TNIP3: variants seen among roughly 807,000 people sequenced by gnomAD.
TNIP3 encodes TNFAIP3-interacting protein 3.
A neutral mutation model predicts 54.1 loss-of-function variants in TNIP3; 34 were observed. That is an observed-to-expected ratio of 0.63 (90% CI 0.48 to 0.84). TNIP3 has a LOEUF of 0.84. Ranked by LOEUF, TNIP3 falls within the 40% of genes least tolerant of loss-of-function variation. The pLI is 0.00. For synonymous variants in TNIP3, 134 were observed against 136.8 expected (o/e 0.98, Z 0.14); for missense variants, 366 against 387.6 (o/e 0.94, Z 0.47).
At chr4:121,183,534 G>T (rs1423787527) in intron 2 of TNIP3, among the ~76,000 whole-genome samples, 1 of 152,150 alleles carries the variant, frequency 6.6e-6, no homozygotes, top group Non-Finnish European at 1.5e-5. Context: ...CTGCCAGTCT[G>T]GCCTGTTAGG....
At chr4:121,150,262 C>A in intron 5 of TNIP3, 43 bp from the exon 6 acceptor site, 1 of 1,220,778 alleles carries the variant, frequency 8.2e-7, no homozygotes, top group South Asian at 1.3e-5. Context: ...AGATTTACCA[C>A]ATGGAATGAA....
At chr4:121,222,075 T>C (rs1300188529) in intron 1 of TNIP3, among the ~76,000 whole-genome samples, 2 of 152,226 alleles carry the variant, frequency 1.3e-5, no homozygotes, top group Non-Finnish European at 2.9e-5. Flanking sequence ...TACATTATAG[T>C]AGCTAAGAGT....
chr4:121,139,725 G>A (rs1454666147), intron 9 of TNIP3, among the ~76,000 whole-genome samples: 1 of 152,052 alleles, frequency 6.6e-6, no homozygotes, highest in Non-Finnish European at 1.5e-5. Context: ...TAGACACCTA[G>A]GCCCTTGGCT....
intron 1 of TNIP3, among the ~76,000 whole-genome samples, chr4:121,224,314 G>T (rs1055978987): frequency 2.0e-5 from 3 of 151,644 alleles, no homozygotes; most frequent in African/African-American, 7.3e-5. Flanking sequence ...AGTGAGCAGA[G>T]ATTGTGCTAC....
At chr4:121,158,787 A>G (rs761300566) in intron 2 of TNIP3, 35 bp from the exon 3 acceptor site, 1 of 1,541,180 alleles carries the variant, frequency 6.5e-7, no homozygotes, top group Non-Finnish European at 8.9e-7. Flanking sequence ...TCAACAAAGA[A>G]TTTCTGCCCA....
chr4:121,218,842 G>A (rs1349643938), upstream of TNIP3, among the ~76,000 whole-genome samples: 1 of 152,014 alleles, frequency 6.6e-6, no homozygotes, highest in African/African-American at 2.4e-5. Context: ...GACTACAGGT[G>A]TGCACTACTT....
chr4:121,185,092 G>A (rs1292872069), intron 2 of TNIP3, among the ~76,000 whole-genome samples: 2 of 152,186 alleles, frequency 1.3e-5, no homozygotes, highest in Non-Finnish European at 2.9e-5. Flanking sequence ...AAGTTACTGA[G>A]CCACTTCAAT....
At chr4:121,184,465 A>G (rs765025494) in intron 2 of TNIP3, among the ~76,000 whole-genome samples, 8 of 152,162 alleles carry the variant, frequency 5.3e-5, no homozygotes, top group African/African-American at 1.2e-4. Context: ...GGCCAGTGGG[A>G]TTCTCCTCTG....
In TNIP3 at chr4:121,142,650, A is replaced by C; in HGVS notation, c.786+76T>G. 5 of 1,348,750 alleles carry C rather than the reference A, an allele frequency of 3.7e-6. No individual in the cohort carries two copies. In the South Asian group the frequency reaches 6.2e-5, roughly 17 times the overall value. The allele number at this position is 1,348,750 out of a possible 1,614,324, so 83.5% of individuals were successfully genotyped here. ...TGTAGGTCACCTGTAGCAGAGCTTGAACATGTCTTTAATTGGGACAATGAG... is the reference window on the plus strand; with the variant it reads ...TGTAGGTCACCTGTAGCAGAGCTTGCACATGTCTTTAATTGGGACAATGAG... On this transcript the variant is annotated intron_variant, in intron 8 of 10. Transcript: ENST00000057513.
intron 3 of TNIP3, among the ~76,000 whole-genome samples, chr4:121,178,750 T>C (rs1334644579): frequency 6.6e-6 from 1 of 152,230 alleles, no homozygotes; most frequent in African/African-American, 2.4e-5. Flanking sequence ...AATCGATGTA[T>C]ATTCAGTGTT....
chr4:121,222,259 T>A (rs1275907644), intron 1 of TNIP3, among the ~76,000 whole-genome samples: 1 of 152,190 alleles, frequency 6.6e-6, no homozygotes, highest in Non-Finnish European at 1.5e-5. Context: ...AATGAGCATA[T>A]CCTTGTTCTG....
chr4:121,182,675 C>A lies in TNIP3; in HGVS notation c.189+1G>T. On this transcript the variant is annotated splice_donor_variant, in intron 3 of 12. Transcript: ENST00000507879. LOFTEE classifies it high-confidence loss of function. ...TAAGGAGAAAAAAGGTGTTTTCTTA[C>A]CTTCAGAGAACATAGATTTCTGTGA... The A allele has an allele frequency of 6.5e-7, 1 of 1,533,912 alleles. No homozygotes were observed. Among genetic ancestry groups the A allele is most frequent in the Non-Finnish European group, 8.7e-7 (1 of 1,146,776 alleles).
chr4:121,189,990 T>C (rs951675714), intron 2 of TNIP3, among the ~76,000 whole-genome samples: 4 of 152,142 alleles, frequency 2.6e-5, no homozygotes, highest in Non-Finnish European at 5.9e-5. Flanking sequence ...GGAGCAGAGA[T>C]AGAGTGCAGC....
At chr4:121,153,466 T>C (rs1729885986) in intron 5 of TNIP3, among the ~76,000 whole-genome samples, 1 of 152,192 alleles carries the variant, frequency 6.6e-6, no homozygotes, top group African/African-American at 2.4e-5. Flanking sequence ...TTTAATGCAT[T>C]TGTGCAACAT....
intron 2 of TNIP3, among the ~76,000 whole-genome samples, chr4:121,160,282 C>G (rs907085936): frequency 1.3e-5 from 2 of 151,978 alleles, no homozygotes; most frequent in Admixed American, 1.3e-4. Flanking sequence ...AGTTCTAGAC[C>G]AGGCTGGCCA....
intron 2 of TNIP3, among the ~76,000 whole-genome samples, chr4:121,215,534 C>T (rs1413636467): frequency 4.6e-5 from 7 of 152,154 alleles, no homozygotes; most frequent in African/African-American, 7.2e-5. Context: ...GACACAAATA[C>T]GTGACTTTCC....
intron 5 of TNIP3, 115 bp from the exon 6 acceptor site, chr4:121,150,334 G>T: frequency 5.3e-6 from 3 of 562,482 alleles, no homozygotes; most frequent in Non-Finnish European, 9.4e-6. Flanking sequence ...CATGTTTAAC[G>T]CTGCTTACAT....
upstream of TNIP3, among the ~76,000 whole-genome samples, chr4:121,169,015 T>G (rs1258674664): frequency 6.6e-6 from 1 of 152,064 alleles, no homozygotes; most frequent in Non-Finnish European, 1.5e-5. Flanking sequence ...CCTAAGGGTT[T>G]TCCTGCTTCT....
intron 1 of TNIP3, among the ~76,000 whole-genome samples, chr4:121,162,338 T>C (rs1730503389): frequency 6.6e-6 from 1 of 152,226 alleles, no homozygotes; most frequent in African/African-American, 2.4e-5. Context: ...CTTCTTCCTA[T>C]TTAGACCTAT....
Sources: allele counts gnomAD v4.1 joint callset (sites outside exome capture counted in the v4.1 genomes callset), GRCh38; gene constraint gnomAD v4.1.1; transcripts MANE v1.5; gene names NCBI Gene and HGNC (gene_info 2026-07-23, HGNC 2026-07-21).